Variants in CTNNA3 observed in about 807,000 individuals in gnomAD.
CTNNA3 encodes catenin alpha-3.
A neutral mutation model predicts 95.7 loss-of-function variants in CTNNA3; 76 were observed. The ratio of observed to expected loss-of-function variants is 0.79; its 90% CI spans 0.66 to 0.96. The LOEUF (loss-of-function observed/expected upper bound fraction) is 0.96. CTNNA3 is among the 40% of genes least tolerant of loss of function. CTNNA3 has a pLI of 0.00. For missense variants in CTNNA3, 1,191 were observed against 1,089.8 expected (o/e 1.09, Z -1.31); for synonymous variants, 431 against 374.4 (o/e 1.15, Z -1.74).
chr10:67,176,680 G>C (rs1862257003), intron 7 of CTNNA3, among the ~76,000 whole-genome samples: 1 of 152,122 alleles, frequency 6.6e-6, no homozygotes, highest in Non-Finnish European at 1.5e-5. Context: ...CCTTCAGATG[G>C]GAGGATTATC....
chr10:66,017,115 G>A (rs867357415), intron 15 of CTNNA3, among the ~76,000 whole-genome samples: 7 of 151,940 alleles, frequency 4.6e-5, no homozygotes, highest in Admixed American at 2.0e-4. Context: ...AACATGTGTC[G>A]ATTTAGACCT....
intron 10 of CTNNA3, among the ~76,000 whole-genome samples, chr10:66,602,909 A>G (rs1843982513): frequency 6.6e-6 from 1 of 152,094 alleles, no homozygotes; most frequent in Non-Finnish European, 1.5e-5. Context: ...TTTATGATAA[A>G]AATCTTCAAC....
chr10:67,658,151 G>A (rs1308711648), intron 1 of CTNNA3, among the ~76,000 whole-genome samples: 1 of 152,208 alleles, frequency 6.6e-6, no homozygotes, highest in Non-Finnish European at 1.5e-5. Context: ...CTGCCTGGGT[G>A]AGAATCCAGG....
chr10:66,621,634 TA>T (rs1844753253), intron 10 of CTNNA3, 57 bp downstream of exon 10: 1 of 990,536 alleles, frequency 1.0e-6, no homozygotes, highest in Non-Finnish European at 1.5e-6. Flanking sequence ...TTCATATGCA[TA>T]AAAGCATTAG....
At position 67,632,024 on chromosome 10, in the gene CTNNA3, T is replaced by C. The variant is rs534624876; in HGVS notation, c.99+15391A>G. ...AGGATATAAAATTTCAGTTTTAAGA[T>C]GAATAAGTTTTGGGACTCTACTGTG... On this transcript the variant is annotated intron_variant, in intron 2 of 17. Transcript: ENST00000433211. 9.2e-5 allele frequency among the ~76,000 whole-genome samples: 14 copies of C among 152,216 alleles called. No individual in the cohort carries two copies. In the East Asian group the frequency reaches 1.4e-3, roughly 15 times the overall value.
intron 15 of CTNNA3, among the ~76,000 whole-genome samples, chr10:66,058,865 A>C (rs916253499): frequency 6.6e-6 from 1 of 152,176 alleles, no homozygotes; most frequent in African/African-American, 2.4e-5. Context: ...CCTTTTTAGA[A>C]AATGCAGCAT....
chr10:66,802,703 A>G (rs1841477014), intron 7 of CTNNA3, among the ~76,000 whole-genome samples: 1 of 151,760 alleles, frequency 6.6e-6, no homozygotes, highest in Admixed American at 6.6e-5. Context: ...TCTGAATCAT[A>G]ATAGCCCCAA....
At chr10:66,134,164 C>A (rs893109914) in intron 13 of CTNNA3, among the ~76,000 whole-genome samples, 5 of 151,900 alleles carry the variant, frequency 3.3e-5, no homozygotes, top group Non-Finnish European at 7.4e-5. Flanking sequence ...CTCATAAAAA[C>A]CAAGAAAAAA....
In CTNNA3 at chr10:67,219,865, T is replaced by C; in HGVS notation, c.585A>G (p.Leu195=). 1.2e-6 allele frequency: 2 copies of C among 1,609,254 alleles called. No individual in the cohort carries two copies. The highest frequency in any genetic ancestry group is 1.7e-6 in the Non-Finnish European group (2 of 1,176,644). The change falls in exon 6 of 18, where the codon TTA becomes TTG. Residue 195 remains leucine, a synonymous_variant. Coordinates refer to ENST00000433211, the MANE Select transcript of CTNNA3 (RefSeq NM_013266.4). ...TTTCATCTCTCTGATTTGGAGATTT[T>C]AAGTCCTGAGAAGGTAAATAAAAAG... is the stretch of plus-strand genomic sequence containing the variant. ...DYLAFKRQQD[L]KSPNQRDEIA...
chr10:66,630,129 CA>C (rs1357267854), intron 9 of CTNNA3, among the ~76,000 whole-genome samples: 2 of 152,142 alleles, frequency 1.3e-5, no homozygotes, highest in Admixed American at 1.3e-4. Context: ...ACACAGTAGA[CA>C]GTCTATAAAT....
intron 7 of CTNNA3, among the ~76,000 whole-genome samples, chr10:67,163,537 A>C (rs572080589): frequency 6.6e-6 from 1 of 152,134 alleles, no homozygotes; most frequent in South Asian, 2.1e-4. Flanking sequence ...CAAAAGACTG[A>C]AGGCTTTCCC....
At chr10:67,576,387 A>G (rs1370853730) in intron 3 of CTNNA3, among the ~76,000 whole-genome samples, 3 of 152,092 alleles carry the variant, frequency 2.0e-5, no homozygotes, top group Non-Finnish European at 4.4e-5. Context: ...AAATATAATG[A>G]GAGGAGGCAT....
chr10:66,370,729 A>C (rs2092747739), intron 12 of CTNNA3, among the ~76,000 whole-genome samples: 1 of 151,978 alleles, frequency 6.6e-6, no homozygotes, highest in South Asian at 2.1e-4. Context: ...TTTTTTTGAG[A>C]GACAGGGTCT....
chr10:66,398,008 T>C (rs1341618890), intron 11 of CTNNA3, among the ~76,000 whole-genome samples: 1 of 151,928 alleles, frequency 6.6e-6, no homozygotes, highest in African/African-American at 2.4e-5. Context: ...AGACAAGTAA[T>C]TGACTTACTG....
intron 1 of CTNNA3, among the ~76,000 whole-genome samples, chr10:67,758,496 G>T (rs1841446197): frequency 6.6e-6 from 1 of 151,510 alleles, no homozygotes; most frequent in Admixed American, 6.6e-5. Flanking sequence ...GAAATAAAAT[G>T]GTGCTATAAT....
chr10:67,696,459 A>T (rs1252570050), upstream of CTNNA3, among the ~76,000 whole-genome samples: 2 of 152,218 alleles, frequency 1.3e-5, no homozygotes, highest in Admixed American at 1.3e-4. Flanking sequence ...AGTCCAGGAA[A>T]TCCTCACATC....
intron 15 of CTNNA3, among the ~76,000 whole-genome samples, chr10:66,043,622 G>T (rs2079755145): frequency 6.6e-6 from 1 of 152,130 alleles, no homozygotes; most frequent in African/African-American, 2.4e-5. Context: ...AAAGCACCAT[G>T]GGCAAATGTC....
chr10:66,087,239 C>T lies in CTNNA3; in HGVS notation c.1977+15918G>A, dbSNP rs2081018716. On this transcript the variant is annotated intron_variant, in intron 14 of 17. Coordinates refer to ENST00000433211, the MANE Select transcript of CTNNA3 (RefSeq NM_013266.4). ...TCTATAAAGTGGACCTCATCTCACC[C>T]CAAACCCAGAAACATACTTGGGGAC... Among the ~76,000 whole-genome samples the T allele has an allele frequency of 7.2e-5, 11 of 152,244 alleles. 1 individual carries two copies. The South Asian group carries it at 2.3e-3, about 32-fold the overall frequency.
At chr10:67,698,979 T>C (rs760587910), upstream of CTNNA3, among the ~76,000 whole-genome samples, 6 of 152,148 alleles carry the variant, frequency 3.9e-5, no homozygotes, top group Non-Finnish European at 5.9e-5. Context: ...TCATCAAATC[T>C]ATAAACCCAC....
Sources: allele counts gnomAD v4.1 joint callset (sites outside exome capture counted in the v4.1 genomes callset), GRCh38; gene constraint gnomAD v4.1.1; transcripts MANE v1.5; gene names NCBI Gene and HGNC (gene_info 2026-07-23, HGNC 2026-07-21).